The following FMN1 variants were observed in gnomAD, a reference collection of about 807,000 sequenced individuals.
FMN1 encodes the protein formin-1.
Under a neutral mutation model 132.4 loss-of-function variants are expected in FMN1, and 110 were observed. The observed-to-expected ratio is 0.83, with a 90% confidence interval of 0.71 to 0.97. The LOEUF (loss-of-function observed/expected upper bound fraction) is 0.97. FMN1 is among the 50% of genes least tolerant of loss of function. The probability of loss-of-function intolerance (pLI) is 0.00; values close to 1 mark genes in which losing one functional copy is unlikely to be tolerated. For missense variants in FMN1, 1,792 were observed against 1,705.3 expected, an observed-to-expected ratio of 1.05 and a Z score of -0.90; for synonymous variants, 722 against 651.7, an observed-to-expected ratio of 1.11 and a Z score of -1.64.
rs2060258357 is a variant in FMN1 at position 32,900,063 on chromosome 15, A to G, written c.3570T>C (p.Tyr1190=). The change falls in exon 14 of 21, where the codon TAT becomes TAC. Residue 1190 remains tyrosine (Y), a synonymous_variant. Coordinates refer to ENST00000616417, the MANE Select transcript of FMN1 (RefSeq NM_001277313.2). ...ILALILAFGN[Y]MNGGNRTRGQ... The stretch of plus-strand genomic sequence containing the variant: ...CCCGAGTCCTATTTCCTCCATTCAT[A>G]TAATTTCCAAAAGCCAAGATGAGAG... The G allele has an allele frequency of 2.5e-6, 4 of 1,613,942 alleles. No homozygotes were observed. The highest frequency in any genetic ancestry group is 4.5e-5 in the East Asian group (2 of 44,884).
intron 12 of FMN1, among the ~76,000 whole-genome samples, chr15:32,907,946 C>T (rs1006552539): frequency 6.6e-6 from 1 of 151,996 alleles, no homozygotes; most frequent in Non-Finnish European, 1.5e-5. Context: ...AACGGCATCA[C>T]AAACAACAGA....
intron 4 of FMN1, among the ~76,000 whole-genome samples, chr15:33,144,605 T>C (rs1595562597): frequency 1.5e-5 from 2 of 132,224 alleles, no homozygotes; most frequent in Non-Finnish European, 1.5e-5. Context: ...GCCACTGCAC[T>C]CCAGCCTGGG....
At chr15:33,044,385 A>G (rs1584955) in intron 6 of FMN1, among the ~76,000 whole-genome samples, 28,163 of 152,152 alleles carry the variant, frequency 0.19, 2,791 homozygotes, top group Middle Eastern at 0.24. Flanking sequence ...GGAACTTATG[A>G]TGCTTTTTCC....
intron 16 of FMN1, among the ~76,000 whole-genome samples, chr15:32,858,448 G>A (rs1205961351): frequency 1.3e-5 from 2 of 152,190 alleles, no homozygotes; most frequent in South Asian, 4.1e-4. Flanking sequence ...CATTTTCTGA[G>A]TCAAGGTCAG....
At position 32,989,916 on chromosome 15, in the gene FMN1, C is replaced by T. The variant is rs1027570751; in HGVS notation, c.2223+18098G>A. ...GGAGAACCATGACACCGTACATATACAGGGTAGCTAAGAAAGCAGATTGCT... is the reference window on the plus strand; with the variant it reads ...GGAGAACCATGACACCGTACATATATAGGGTAGCTAAGAAAGCAGATTGCT... On this transcript the variant is annotated intron_variant, in intron 7 of 20. Coordinates refer to ENST00000616417, the MANE Select transcript of FMN1 (RefSeq NM_001277313.2). Among the ~76,000 whole-genome samples the T allele has an allele frequency of 1.5e-4, 23 of 152,102 alleles. 1 individual carries two copies. Among genetic ancestry groups the T allele is most frequent in the African/African-American group, 5.6e-4 (23 of 41,426 alleles).
intron 16 of FMN1, among the ~76,000 whole-genome samples, chr15:32,881,277 G>T (rs2059763530): frequency 2.0e-5 from 3 of 152,080 alleles, no homozygotes; most frequent in African/African-American, 7.2e-5. Context: ...CAAACTTGTG[G>T]TACATGTAAG....
At chr15:32,880,691 G>GT (rs1244274244) in intron 16 of FMN1, among the ~76,000 whole-genome samples, 2 of 152,266 alleles carry the variant, frequency 1.3e-5, no homozygotes, top group Admixed American at 6.5e-5. Flanking sequence ...TTGACTAATA[G>GT]TTTGGTGGAT....
rs116092274 is a variant in FMN1, at chr15:33,111,617, A to G, written c.1868-22643T>C. Among the ~76,000 whole-genome samples, 1,158 of 152,316 alleles carry G rather than the reference A, an allele frequency of 7.6e-3. 11 individuals carry two copies. The highest frequency in any genetic ancestry group is 0.026 in the African/African-American group (1,091 of 41,568). ...TGAATGGATAAACAAAATGTGCTAT[A>G]TCCATATGAAGGAGTATCTTTTGCC... On this transcript the variant is annotated intron_variant, in intron 4 of 20. Coordinates refer to ENST00000616417, the MANE Select transcript of FMN1 (RefSeq NM_001277313.2).
intron 17 of FMN1, among the ~76,000 whole-genome samples, chr15:32,819,038 A>G (rs1345168163): frequency 1.3e-5 from 2 of 152,158 alleles, no homozygotes; most frequent in African/African-American, 2.4e-5. Flanking sequence ...ATGAAGCTGA[A>G]GTCATTCCTT....
chr15:33,004,375 C>T (rs1217280016), intron 7 of FMN1, among the ~76,000 whole-genome samples: 25 of 152,190 alleles, frequency 1.6e-4, no homozygotes, highest in Admixed American at 1.4e-3. Flanking sequence ...AAAAAGTAGG[C>T]GAAGGATATG....
In FMN1 at chr15:32,774,287, C is replaced by T; in HGVS notation, c.*23G>A. The T allele has an allele frequency of 6.3e-7, 1 of 1,589,142 alleles. No individual in the cohort carries two copies. The stretch of plus-strand genomic sequence containing the variant: ...GTGCAAGGTCCTCCACCTCCAGTGC[C>T]ATCATTTCCATGTGTCTTCATCTTA... On this transcript the variant is annotated 3_prime_UTR_variant, in exon 21 of 21. Coordinates refer to ENST00000616417, the MANE Select transcript of FMN1 (RefSeq NM_001277313.2).
intron 4 of FMN1, among the ~76,000 whole-genome samples, 192 bp from the exon 5 acceptor site, chr15:33,089,166 T>C (rs2038814861): frequency 6.6e-6 from 1 of 152,168 alleles, no homozygotes; most frequent in African/African-American, 2.4e-5. Flanking sequence ...CCAACAAAAA[T>C]TTACAACATA....
chr15:33,020,323 C>A (rs779697185), intron 6 of FMN1, among the ~76,000 whole-genome samples: 5 of 150,942 alleles, frequency 3.3e-5, no homozygotes, highest in Non-Finnish European at 5.9e-5. Flanking sequence ...GGAAACCGAC[C>A]CCCCCAACCC....
intron 2 of FMN1, among the ~76,000 whole-genome samples, chr15:33,181,251 CTCTT>C (rs1595608492): frequency 1.3e-5 from 2 of 152,330 alleles, no homozygotes; most frequent in East Asian, 1.9e-4. Context: ...ATACCCATCT[CTCTT>C]TCACATAGTT....
rs2056305459 is a variant in FMN1, at chr15:32,773,137, C to G, written c.*1173G>C. 1 of 152,174 alleles carries G rather than the reference C, an allele frequency of 6.6e-6. No individual in the cohort carries two copies. Among genetic ancestry groups the G allele is most frequent in the African/African-American group, 2.4e-5 (1 of 41,422 alleles). The allele number at this position is 152,174 out of a possible 1,614,324, so 9.4% of individuals were successfully genotyped here. A position where few individuals can be genotyped will look rare whatever the true frequency, so the allele number is the denominator to read the frequency against. On this transcript the variant is annotated 3_prime_UTR_variant, in exon 21 of 21. Coordinates refer to ENST00000616417, the MANE Select transcript of FMN1 (RefSeq NM_001277313.2). ...TCAAAGGTGGTTTCCTTATGTGACT[C>G]AAGAGCCAGGGTCAGAAAGAGCTGC...
At chr15:32,951,388 T>A (rs2061649445) in intron 9 of FMN1, among the ~76,000 whole-genome samples, 1 of 151,594 alleles carries the variant, frequency 6.6e-6, no homozygotes, top group South Asian at 2.1e-4. Context: ...CTGGCTAAAA[T>A]TCATTTGCTT....
chr15:33,102,780 T>A (rs556616318), intron 4 of FMN1, among the ~76,000 whole-genome samples: 37 of 152,314 alleles, frequency 2.4e-4, no homozygotes, highest in African/African-American at 8.4e-4. Flanking sequence ...ACATTGGTTT[T>A]ATTTCATTTC....
At chr15:32,784,951 T>C (rs1480487979) in intron 19 of FMN1, among the ~76,000 whole-genome samples, 11 of 152,094 alleles carry the variant, frequency 7.2e-5, no homozygotes, top group Non-Finnish European at 1.0e-4. Flanking sequence ...TAAATAGAGC[T>C]ATCTTATTAC....
At chr15:33,048,630 C>CAAAAAAAAAAAAAAAAA (rs1566865254) in intron 6 of FMN1, among the ~76,000 whole-genome samples, 2 of 11,460 alleles carry the variant, frequency 1.7e-4, no homozygotes, top group African/African-American at 5.3e-4. Context: ...GGGCAATTTA[C>CAAAAAAAAAAAAAAAAA]CAAAAAAAAA....
Sources: allele counts gnomAD v4.1 joint callset (sites outside exome capture counted in the v4.1 genomes callset), GRCh38; gene constraint gnomAD v4.1.1; transcripts MANE v1.5; gene names NCBI Gene and HGNC (gene_info 2026-07-23, HGNC 2026-07-21).